Variants in ATXN1 observed in about 807,000 individuals in gnomAD.
ATXN1 encodes the protein ataxin-1.
Under a neutral mutation model 56.4 loss-of-function variants are expected in ATXN1, and 8 were observed. That is an observed-to-expected ratio of 0.14 (90% CI 0.08 to 0.26). The LOEUF is 0.26. Ranked by LOEUF, ATXN1 falls within the 10% of genes least tolerant of loss-of-function variation. The pLI is 1.00. For missense variants in ATXN1, 987 were observed against 1,106.5 expected, an observed-to-expected ratio of 0.89 and a Z score of 1.53; for synonymous variants, 514 against 494.6, an observed-to-expected ratio of 1.04 and a Z score of -0.52.
chr6:16,548,251 A>C (rs1761851162), intron 4 of ATXN1, among the ~76,000 whole-genome samples: 1 of 152,206 alleles, frequency 6.6e-6, no homozygotes, highest in Admixed American at 6.5e-5. Context: ...AATATGGTAC[A>C]CCTGTATAGG....
intron 3 of ATXN1, among the ~76,000 whole-genome samples, chr6:16,629,787 T>G (rs900915392): frequency 4.0e-5 from 6 of 151,382 alleles, no homozygotes; most frequent in East Asian, 2.0e-4. Flanking sequence ...CGTGGTGGTG[T>G]GCGCCTGTAA....
chr6:16,408,782 C>A (rs1561884881), intron 6 of ATXN1, among the ~76,000 whole-genome samples: 1 of 152,188 alleles, frequency 6.6e-6, no homozygotes, highest in Non-Finnish European at 1.5e-5. Context: ...TCTCTGTCAT[C>A]CAGGCTGGAG....
chr6:16,685,428 T>A (rs1581363864), intron 2 of ATXN1, among the ~76,000 whole-genome samples: 1 of 151,686 alleles, frequency 6.6e-6, no homozygotes, highest in Admixed American at 6.6e-5. Flanking sequence ...TCTTAGGGAG[T>A]TCCCCCGCCC....
chr6:16,730,712 G>A (rs1759957243), intron 2 of ATXN1, among the ~76,000 whole-genome samples: 1 of 151,952 alleles, frequency 6.6e-6, no homozygotes, highest in South Asian at 2.1e-4. Flanking sequence ...TTCCCTTCAA[G>A]TTCTCCTTTC....
At chr6:16,536,628 T>C (rs938647937) in intron 4 of ATXN1, among the ~76,000 whole-genome samples, 5 of 152,242 alleles carry the variant, frequency 3.3e-5, no homozygotes, top group African/African-American at 1.2e-4. Flanking sequence ...ATTAGGCTTC[T>C]GATTTCTCCT....
At chr6:16,610,262 C>G (rs915745244) in intron 3 of ATXN1, among the ~76,000 whole-genome samples, 2 of 151,478 alleles carry the variant, frequency 1.3e-5, no homozygotes, top group East Asian at 3.9e-4. Flanking sequence ...GTAAACCAAC[C>G]AACCAACCAA....
At chr6:16,404,633 G>A (rs1388464569) in intron 6 of ATXN1, among the ~76,000 whole-genome samples, 1 of 151,848 alleles carries the variant, frequency 6.6e-6, no homozygotes. Flanking sequence ...AGGTCCCTGG[G>A]TTGTATTCAA....
At chr6:16,689,264 G>A (rs1308313644) in intron 2 of ATXN1, among the ~76,000 whole-genome samples, 1 of 152,080 alleles carries the variant, frequency 6.6e-6, no homozygotes, top group East Asian at 1.9e-4. Flanking sequence ...ATGGGAAGGA[G>A]TGGGAAAGAA....
intron 6 of ATXN1, among the ~76,000 whole-genome samples, chr6:16,331,619 C>A (rs1338038221): frequency 6.6e-6 from 1 of 152,146 alleles, no homozygotes; most frequent in African/African-American, 2.4e-5. Context: ...ATATAGTAGG[C>A]CCAGCCAGTA....
intron 4 of ATXN1, among the ~76,000 whole-genome samples, chr6:16,583,343 C>T (rs1412120435): frequency 6.6e-6 from 1 of 152,174 alleles, no homozygotes. Flanking sequence ...CCAAATGATT[C>T]TTTGACCACT....
At chr6:16,686,591 T>C (rs2113409907) in intron 2 of ATXN1, among the ~76,000 whole-genome samples, 1 of 152,346 alleles carries the variant, frequency 6.6e-6, no homozygotes, top group South Asian at 2.1e-4. Flanking sequence ...CCACTCGAGC[T>C]ACTCAGTATT....
chr6:16,750,894 A>T (rs763770139), intron 2 of ATXN1, among the ~76,000 whole-genome samples: 2 of 152,112 alleles, frequency 1.3e-5, no homozygotes, highest in African/African-American at 2.4e-5. Flanking sequence ...CTAGCACATA[A>T]CCGTTAAAAT....
At chr6:16,466,397 T>C (rs930594092) in intron 6 of ATXN1, among the ~76,000 whole-genome samples, 33 of 145,096 alleles carry the variant, frequency 2.3e-4, no homozygotes, top group Admixed American at 1.7e-3. Context: ...CTCTATCAAG[T>C]AGGGTTCCTA....
chr6:16,690,386 G>A (rs1467016893), intron 2 of ATXN1, among the ~76,000 whole-genome samples: 5 of 151,588 alleles, frequency 3.3e-5, no homozygotes, highest in African/African-American at 7.3e-5. Flanking sequence ...GCAACTAGAT[G>A]TGTGAGTGAC....
At chr6:16,594,980 C>T (rs2299078) in intron 3 of ATXN1, among the ~76,000 whole-genome samples, 2 of 151,992 alleles carry the variant, frequency 1.3e-5, no homozygotes, top group Non-Finnish European at 2.9e-5. Context: ...GAAGACTCCC[C>T]ATGACCTTCT....
At chr6:16,308,951 G>C (rs1165648211) in intron 7 of ATXN1, among the ~76,000 whole-genome samples, 2 of 152,178 alleles carry the variant, frequency 1.3e-5, no homozygotes, top group South Asian at 2.1e-4. Flanking sequence ...ATGAAGCCAG[G>C]CATGGTGGCT....
chr6:16,435,989 C>T (rs1759379790), intron 6 of ATXN1, among the ~76,000 whole-genome samples: 1 of 152,114 alleles, frequency 6.6e-6, no homozygotes, highest in Non-Finnish European at 1.5e-5. Flanking sequence ...TCTCCACCTC[C>T]CGGGTTCCAG....
chr6:16,554,474 G>A (rs1249685755), intron 4 of ATXN1, among the ~76,000 whole-genome samples: 1 of 152,130 alleles, frequency 6.6e-6, no homozygotes, highest in Non-Finnish European at 1.5e-5. Flanking sequence ...TTTTTGAGAT[G>A]GAGTTTGGTT....
chr6:16,730,890 C>T (rs1759960606), intron 2 of ATXN1, among the ~76,000 whole-genome samples: 1 of 152,282 alleles, frequency 6.6e-6, no homozygotes, highest in East Asian at 1.9e-4. Flanking sequence ...GTTCTGGGTG[C>T]CGGGCCATGC....
Sources: gnomAD v4.1 joint callset for allele counts (sites outside exome capture counted in the v4.1 genomes callset) on GRCh38, gnomAD v4.1.1 for gene constraint, MANE v1.5 for transcripts, NCBI Gene and HGNC (gene_info 2026-07-23, HGNC 2026-07-21) for gene names.